Variants in SPMIP11 observed in about 807,000 individuals in gnomAD.
SPMIP11 encodes the protein long intergenic non-protein coding RNA 935.
the SPMIP11 span, chr12:48,765,574 G>C: frequency 1.4e-6 from 1 of 702,814 alleles, no homozygotes; most frequent in African/African-American, 1.7e-5. Context: ...AGCCTGGCCT[G>C]GCTGAATCTC....
At chr12:48,760,606 A>G in the SPMIP11 span, among the ~76,000 whole-genome samples, 1 of 152,100 alleles carries the variant, frequency 6.6e-6, no homozygotes, top group African/African-American at 2.4e-5. Context: ...GGCCCACTGC[A>G]ACCTCCGCCT....
chr12:48,738,389 G>A, the SPMIP11 span, among the ~76,000 whole-genome samples: 1 of 152,118 alleles, frequency 6.6e-6, no homozygotes, highest in Non-Finnish European at 1.5e-5. Context: ...TTGGAGATTG[G>A]GTGGGGGCTG....
the SPMIP11 span, among the ~76,000 whole-genome samples, chr12:48,743,760 G>T: frequency 1.3e-5 from 2 of 151,724 alleles, no homozygotes; most frequent in Non-Finnish European, 2.9e-5. Flanking sequence ...TGGTAAAACT[G>T]CACCTCTACT....
At chr12:48,769,762 T>TG in the SPMIP11 span, among the ~76,000 whole-genome samples, 1 of 148,366 alleles carries the variant, frequency 6.7e-6, no homozygotes, top group Non-Finnish European at 1.5e-5. Flanking sequence ...AATTTTTGTT[T>TG]TTTTTTTTTT....
the SPMIP11 span, among the ~76,000 whole-genome samples, chr12:48,748,671 GT>G: frequency 6.6e-6 from 1 of 152,000 alleles, no homozygotes; most frequent in Non-Finnish European, 1.5e-5. Flanking sequence ...ACCTTCTCCT[GT>G]TTCTTCAAAC....
the SPMIP11 span, chr12:48,765,556 TG>T: frequency 4.3e-6 from 3 of 702,398 alleles, no homozygotes; most frequent in Non-Finnish European, 7.8e-6. Context: ...AAGGATCTCC[TG>T]CTCTCCAGCC....
the SPMIP11 span, among the ~76,000 whole-genome samples, chr12:48,751,551 A>G: frequency 6.6e-6 from 1 of 152,138 alleles, no homozygotes; most frequent in African/African-American, 2.4e-5. Context: ...GACTGCAGTG[A>G]GCCATGATTG....
the SPMIP11 span, among the ~76,000 whole-genome samples, chr12:48,728,781 A>G: frequency 6.6e-6 from 1 of 151,930 alleles, no homozygotes; most frequent in African/African-American, 2.4e-5. Context: ...AGAGAACCAT[A>G]TTAAGTGAAT....
the SPMIP11 span, among the ~76,000 whole-genome samples, chr12:48,747,177 A>G: frequency 2.0e-5 from 3 of 151,042 alleles, no homozygotes; most frequent in Non-Finnish European, 4.4e-5. Context: ...TTTTTTGGAG[A>G]GGCAGGGTCT....
chr12:48,736,965 T>C, the SPMIP11 span, among the ~76,000 whole-genome samples: 1 of 152,000 alleles, frequency 6.6e-6, no homozygotes, highest in Non-Finnish European at 1.5e-5. Flanking sequence ...TTTTTTTTTT[T>C]CTGAGATAGG....
At chr12:48,759,486 A>C in the SPMIP11 span, among the ~76,000 whole-genome samples, 1 of 152,130 alleles carries the variant, frequency 6.6e-6, no homozygotes, top group African/African-American at 2.4e-5. Context: ...CAGGAGTTCA[A>C]GACCAGCCTG....
chr12:48,741,352 A>G, the SPMIP11 span, among the ~76,000 whole-genome samples: 1 of 152,126 alleles, frequency 6.6e-6, no homozygotes, highest in African/African-American at 2.4e-5. Context: ...TGCCTGGCCA[A>G]TACTGACATT....
chr12:48,734,461 G>A, the SPMIP11 span, among the ~76,000 whole-genome samples: 2 of 152,170 alleles, frequency 1.3e-5, no homozygotes, highest in South Asian at 2.1e-4. Context: ...TAAGAATTTA[G>A]CTTTCTTATA....
At chr12:48,738,340 G>T in the SPMIP11 span, among the ~76,000 whole-genome samples, 1 of 152,078 alleles carries the variant, frequency 6.6e-6, no homozygotes, top group African/African-American at 2.4e-5. Context: ...TCACATGGTT[G>T]CAGACAGGAT....
chr12:48,756,155 T>A, the SPMIP11 span, among the ~76,000 whole-genome samples: 4 of 152,102 alleles, frequency 2.6e-5, no homozygotes, highest in African/African-American at 9.7e-5. Context: ...AGTGCTGGGA[T>A]TACAGGCATG....
the SPMIP11 span, among the ~76,000 whole-genome samples, chr12:48,743,591 G>A: frequency 8.0e-3 from 1,210 of 152,132 alleles, 30 homozygotes; most frequent in East Asian, 0.041. Context: ...CAGATTGCCT[G>A]AGCTCAGGAG....
At chr12:48,759,097 T>C in the SPMIP11 span, 3 of 612,338 alleles carry the variant, frequency 4.9e-6, no homozygotes, top group South Asian at 3.8e-5. Flanking sequence ...AAATTGGATG[T>C]GAGTGGCTAG....
chr12:48,744,196 C>T, the SPMIP11 span, among the ~76,000 whole-genome samples: 7 of 147,246 alleles, frequency 4.8e-5, no homozygotes, highest in East Asian at 8.0e-4. Flanking sequence ...AGTGGTGAGC[C>T]GAGATCGTGC....
chr12:48,757,652 AT>A, the SPMIP11 span, among the ~76,000 whole-genome samples: 39,603 of 93,386 alleles, frequency 0.42, 6,505 homozygotes, highest in East Asian at 0.72. Context: ...TCTCAAAAAA[AT>A]AAAAATAAAA....
Sources: allele counts gnomAD v4.1 joint callset (sites outside exome capture counted in the v4.1 genomes callset), GRCh38; gene constraint gnomAD v4.1.1; transcripts MANE v1.5; gene names NCBI Gene and HGNC (gene_info 2026-07-23, HGNC 2026-07-21).